The following DLD variants were observed in gnomAD, a reference collection of about 807,000 sequenced individuals.
DLD encodes dihydrolipoyl dehydrogenase, mitochondrial.
Under a neutral mutation model 62.2 loss-of-function variants are expected in DLD, and 36 were observed. That is an observed-to-expected ratio of 0.58 (90% confidence interval 0.44 to 0.76). The LOEUF is 0.76. DLD is among the 30% of genes least tolerant of loss of function. The pLI, the probability that DLD is intolerant of heterozygous loss-of-function variation, is 0.00. For missense variants in DLD, 541 were observed against 608.6 expected (o/e 0.89, Z 1.17); for synonymous variants, 204 against 199.6 (o/e 1.02, Z -0.19).
At chr7:107,902,433 C>G in intron 4 of DLD, 40 bp downstream of exon 4, 1 of 1,564,664 alleles carries the variant, frequency 6.4e-7, no homozygotes, top group Non-Finnish European at 8.8e-7. Flanking sequence ...TTGTTTTTGG[C>G]TAGCAACCAA....
chr7:107,893,469 C>T lies in DLD; in HGVS notation c.118+191C>T, dbSNP rs187885501. 934 of 444,008 alleles carry T rather than the reference C, an allele frequency of 2.1e-3. 8 individuals carry two copies. The highest frequency in any genetic ancestry group is 0.016 in the African/African-American group (802 of 49,848). 27.5% of individuals were successfully genotyped at this position (444,008 alleles called of 1,614,324 possible). On this transcript the variant is annotated intron_variant, in intron 2 of 13. Coordinates refer to ENST00000205402, the MANE Select transcript of DLD (RefSeq NM_000108.5). ...CGGTGAACAAGGTAAAAAAACCCTG[C>T]TCTTATGAAACTTGTAATTTGGTGA...
chr7:107,915,449 G>C (rs192707708), intron 8 of DLD, 57 bp from the exon 9 acceptor site: 1 of 1,543,912 alleles, frequency 6.5e-7, no homozygotes, highest in East Asian at 2.3e-5. Flanking sequence ...AGATGATTTC[G>C]TAAACATTTG....
At chr7:107,910,505 C>T (rs1488043288) in intron 8 of DLD, among the ~76,000 whole-genome samples, 3 of 152,146 alleles carry the variant, frequency 2.0e-5, no homozygotes, top group Non-Finnish European at 2.9e-5. Flanking sequence ...AGATTATTCA[C>T]ATAACTGTAT....
At chr7:107,898,092 G>T (rs2031775725) in intron 2 of DLD, among the ~76,000 whole-genome samples, 1 of 151,854 alleles carries the variant, frequency 6.6e-6, no homozygotes, top group Admixed American at 6.6e-5. Context: ...TTGTACTCCA[G>T]TATTTTTAAA....
At chr7:107,908,147 G>GTTTTTTTTT (rs760351271) in intron 8 of DLD, among the ~76,000 whole-genome samples, 1 of 140,022 alleles carries the variant, frequency 7.1e-6, no homozygotes, top group African/African-American at 2.5e-5. Flanking sequence ...TAGTATTTTT[G>GTTTTTTTTT]TTTTTCTTTT....
chr7:107,916,093 TTTAAA>T (rs2032262557), intron 9 of DLD, among the ~76,000 whole-genome samples: 2 of 152,158 alleles, frequency 1.3e-5, no homozygotes, highest in African/African-American at 4.8e-5. Context: ...TAAATAAATA[TTTAAA>T]TTAAATAGTT....
chr7:107,908,972 T>G (rs1025723077), intron 8 of DLD, among the ~76,000 whole-genome samples: 3 of 152,214 alleles, frequency 2.0e-5, no homozygotes, highest in Non-Finnish European at 2.9e-5. Context: ...GTCATCAACC[T>G]TTGGATCCTG....
In DLD at chr7:107,905,450, A is replaced by G. The variant is rs1391814799; in HGVS notation, c.528A>G (p.Thr176=). 1 of 1,613,738 alleles carries G rather than the reference A, an allele frequency of 6.2e-7. No homozygotes were observed. Among genetic ancestry groups the G allele is most frequent in the Non-Finnish European group, 8.5e-7 (1 of 1,179,780 alleles). Residue 176 remains threonine, a synonymous_variant, in exon 7 of 14, where the codon ACA becomes ACG. Coordinates refer to ENST00000205402, the MANE Select transcript of DLD (RefSeq NM_000108.5). ...ATGGCGGCACTCAGGTTATTGATAC[A>G]AAGAACATTCTTATAGCCACGGGTT... ...KADGGTQVID[T]KNILIATGSE...
intron 8 of DLD, among the ~76,000 whole-genome samples, chr7:107,913,140 T>C (rs1157674866): frequency 1.3e-5 from 2 of 152,194 alleles, no homozygotes; most frequent in Non-Finnish European, 2.9e-5. Flanking sequence ...TTTTTTATTT[T>C]GTTCCATTGG....
chr7:107,917,181 G>A, intron 10 of DLD, 92 bp from the exon 11 acceptor site: 4 of 1,479,358 alleles, frequency 2.7e-6, no homozygotes, highest in Non-Finnish European at 3.7e-6. Flanking sequence ...TTGGTGACTT[G>A]TTTACTGGAA....
chr7:107,898,641 A>T (rs1471769258), intron 2 of DLD, among the ~76,000 whole-genome samples: 2 of 148,188 alleles, frequency 1.3e-5, no homozygotes, highest in East Asian at 4.1e-4. Context: ...CCCAGGCTGG[A>T]GTGCAGTGGC....
intron 3 of DLD, among the ~76,000 whole-genome samples, 179 bp downstream of exon 3, chr7:107,901,996 A>G (rs2031887228): frequency 6.6e-6 from 1 of 152,200 alleles, no homozygotes; most frequent in Non-Finnish European, 1.5e-5. Flanking sequence ...CTTGGAATGG[A>G]AAGTGAAATC....
chr7:107,893,399 A>T (rs2031640092), intron 2 of DLD, 121 bp downstream of exon 2: 2 of 764,736 alleles, frequency 2.6e-6, no homozygotes, highest in Non-Finnish European at 4.2e-6. Context: ...TCATTTGTTC[A>T]TGTATTTATT....
chr7:107,894,801 C>G (rs1289076569), intron 2 of DLD, among the ~76,000 whole-genome samples: 4 of 152,116 alleles, frequency 2.6e-5, no homozygotes, highest in Non-Finnish European at 2.9e-5. Context: ...CACTTAGTAC[C>G]CATGTGTGTA....
chr7:107,911,812 C>G (rs757513663), intron 8 of DLD, among the ~76,000 whole-genome samples: 1 of 151,748 alleles, frequency 6.6e-6, no homozygotes, highest in Non-Finnish European at 1.5e-5. Context: ...TCCATCACCT[C>G]GAACATTTTT....
chr7:107,920,112 TC>T lies in DLD; in HGVS notation c.*855del, dbSNP rs1411262026. 6.6e-6 allele frequency: 1 copy of T among 152,342 alleles called. No homozygotes were observed. Among genetic ancestry groups the T allele is most frequent in the East Asian group, 1.9e-4 (1 of 5,328 alleles). 9.4% of individuals were successfully genotyped at this position (152,342 alleles called of 1,614,324 possible). A position where few individuals can be genotyped will look rare whatever the true frequency, so the allele number is the denominator to read the frequency against. ...TATTAAGGCATTTTAAAGGTCATCATCCTTTCATCTATTTTAGATACACCTA... is the reference window on the plus strand; with the variant it reads ...TATTAAGGCATTTTAAAGGTCATCATCTTTCATCTATTTTAGATACACCTA... On this transcript the variant is annotated 3_prime_UTR_variant, in exon 14 of 14. Coordinates refer to ENST00000205402, the MANE Select transcript of DLD (RefSeq NM_000108.5).
rs185880381 is a variant in DLD, at chr7:107,901,634, T to C, written c.119-104T>C. On this transcript the variant is annotated intron_variant, in intron 2 of 13. Transcript: ENST00000205402. ...CTATGTAGAAAATGCTGATTTGTAC[T>C]GTAAGAGGTTTAAGTATCGGGTTAT... The C allele has an allele frequency of 8.0e-5, 71 of 887,818 alleles. No individual in the cohort carries two copies. The African/African-American group carries it at 8.9e-4, about 11-fold the overall frequency. 55.0% of individuals were successfully genotyped at this position (887,818 alleles called of 1,614,324 possible).
chr7:107,899,554 T>C (rs1176287731), intron 2 of DLD, among the ~76,000 whole-genome samples: 1 of 152,042 alleles, frequency 6.6e-6, no homozygotes, highest in Non-Finnish European at 1.5e-5. Flanking sequence ...TGATTAAAAG[T>C]ATATGCTCAA....
At chr7:107,902,430 TG>T (rs918779352) in intron 4 of DLD, 37 bp downstream of exon 4, 1 of 1,583,834 alleles carries the variant, frequency 6.3e-7, no homozygotes, top group Non-Finnish European at 8.7e-7. Context: ...AGATTGTTTT[TG>T]GCTAGCAACC....
Sources: allele counts gnomAD v4.1 joint callset (sites outside exome capture counted in the v4.1 genomes callset), GRCh38; gene constraint gnomAD v4.1.1; transcripts MANE v1.5; gene names NCBI Gene and HGNC (gene_info 2026-07-23, HGNC 2026-07-21).